RFX2: variants seen among roughly 807,000 people sequenced by gnomAD.
RFX2 encodes DNA-binding protein RFX2.
RFX2 carries 20 observed loss-of-function variants against 87.8 expected under a neutral mutation model. The observed-to-expected ratio is 0.23, with a 90% confidence interval of 0.16 to 0.33. RFX2 has a LOEUF of 0.33. RFX2 is among the 10% of genes least tolerant of loss of function. The pLI, the probability that RFX2 is intolerant of heterozygous loss-of-function variation, is 1.00. For missense variants in RFX2, 767 were observed against 1,012.3 expected (o/e 0.76, Z 3.29); for synonymous variants, 397 against 431.3 (o/e 0.92, Z 0.98).
In RFX2 at chr19:6,040,001, G is replaced by A. The variant is rs755920535; in HGVS notation, c.501C>T (p.Thr167=). 3.8e-6 allele frequency: 6 copies of A among 1,593,648 alleles called. No homozygotes were observed. Among genetic ancestry groups the A allele is most frequent in the Non-Finnish European group, 5.1e-6 (6 of 1,168,314 alleles). The part of the protein sequence containing the change: ...MDSTRHSLAH[T]SRSSPATLEM... ...ATACCGTGGCGGGCGATGAGCGGGA[G>A]GTGTGGGCCAGGGAGTGTCTGGTGC... The change falls in exon 5 of 18, where the codon ACC becomes ACT. Residue 167 remains threonine (T), a synonymous_variant. Coordinates refer to ENST00000303657, the MANE Select transcript of RFX2 (RefSeq NM_000635.4). The surrounding 1 kb of genome is among the most constrained non-coding windows in gnomAD (Gnocchi z 6.1).
At position 6,016,533 on chromosome 19, in the gene RFX2, G is replaced by A. The variant is rs2086728011; in HGVS notation, c.598-262C>T. On this transcript the variant is annotated intron_variant, in intron 6 of 17. Coordinates refer to ENST00000303657, the MANE Select transcript of RFX2 (RefSeq NM_000635.4). This position sits in a 1 kb window ranked among gnomAD's most constrained non-coding sequence, Gnocchi z 5.4. ...AGCCTCCCAGGTAGCTGGGATTACA[G>A]GTGTCCGACACCACATCTGGCTAGT... is the stretch of plus-strand genomic sequence containing the variant. 6.6e-6 allele frequency among the ~76,000 whole-genome samples: 1 copy of A among 152,164 alleles called. No homozygotes were observed. The highest frequency in any genetic ancestry group is 2.4e-5 in the African/African-American group (1 of 41,442).
chr19:6,002,079 C>G lies in RFX2; in HGVS notation c.1651-56G>C, dbSNP rs554227974. The stretch of plus-strand genomic sequence containing the variant: ...ATGTGGACCCCCAGCCACGGCAGCC[C>G]TCCCTGGACCTAGCCATGCTCAGGG... On this transcript the variant is annotated intron_variant, in intron 14 of 17. Coordinates refer to ENST00000303657, the MANE Select transcript of RFX2 (RefSeq NM_000635.4). This position sits in a 1 kb window ranked among gnomAD's most constrained non-coding sequence, Gnocchi z 6.7. 34 of 1,454,128 alleles carry G rather than the reference C, an allele frequency of 2.3e-5. No homozygotes were observed. The African/African-American group carries it at 4.5e-4, about 19-fold the overall frequency. 90.1% of individuals were successfully genotyped at this position (1,454,128 alleles called of 1,614,324 possible).
intron 1 of RFX2, among the ~76,000 whole-genome samples, chr19:6,070,962 C>T (rs1248340387): frequency 6.6e-6 from 1 of 152,240 alleles, no homozygotes; most frequent in Non-Finnish European, 1.5e-5. Flanking sequence ...AAGCAGTCTT[C>T]CCACCTCAGC....
At position 5,997,333 on chromosome 19, in the gene RFX2, G is replaced by C; in HGVS notation, c.1860-120C>G. ...ACGTTCCCTGGGGAACCCAGAGGCT[G>C]AGTGATCCTAAGACGTGCAGGCCTA... On this transcript the variant is annotated intron_variant, in intron 15 of 17. Coordinates refer to ENST00000303657, the MANE Select transcript of RFX2 (RefSeq NM_000635.4). This position sits in a 1 kb window ranked among gnomAD's most constrained non-coding sequence, Gnocchi z 4.2. The C allele has an allele frequency of 8.4e-7, 1 of 1,192,064 alleles. No individual in the cohort carries two copies. Among genetic ancestry groups the C allele is most frequent in the Non-Finnish European group, 1.1e-6 (1 of 876,068 alleles). The allele number at this position is 1,192,064 out of a possible 1,614,324, so 73.8% of individuals were successfully genotyped here.
chr19:6,007,837 C>G lies in RFX2; in HGVS notation c.1135-35G>C. The G allele has an allele frequency of 1.4e-6, 2 of 1,392,376 alleles. No individual in the cohort carries two copies. The highest frequency in any genetic ancestry group is 2.0e-6 in the Non-Finnish European group (2 of 1,001,792). 86.3% of individuals were successfully genotyped at this position (1,392,376 alleles called of 1,614,324 possible). A position where few individuals can be genotyped will look rare whatever the true frequency, so the allele number is the denominator to read the frequency against. On this transcript the variant is annotated intron_variant, in intron 10 of 17. Coordinates refer to ENST00000303657, the MANE Select transcript of RFX2 (RefSeq NM_000635.4). This position sits in a 1 kb window ranked among gnomAD's most constrained non-coding sequence, Gnocchi z 8.2. ...AAGGGACCGGTGAGACAGACGGGTGCGTGCGCCCATCACGTGCACTCAGCA... is the reference window on the plus strand; with the variant it reads ...AAGGGACCGGTGAGACAGACGGGTGGGTGCGCCCATCACGTGCACTCAGCA...
Position 6,083,383 on chromosome 19 carries a change from T to C in RFX2, c.-9+27010A>G, listed in dbSNP as rs1363432881. ...GGTGCTGGTGCTGTTCCAATAAATC[T>C]TTATTTATGGACACTGAAATTTAAT... On this transcript the variant is annotated intron_variant, in intron 1 of 17. Transcript: ENST00000303657. The surrounding 1 kb of genome is among the most constrained non-coding windows in gnomAD (Gnocchi z 4.6). 6.6e-6 allele frequency among the ~76,000 whole-genome samples: 1 copy of C among 152,190 alleles called. No homozygotes were observed. The highest frequency in any genetic ancestry group is 1.5e-5 in the Non-Finnish European group (1 of 68,040).
rs754264331 is a variant in RFX2 at position 6,013,995 on chromosome 19, C to A, written c.780-890G>T. Among the ~76,000 whole-genome samples the A allele has an allele frequency of 2.0e-5, 3 of 152,084 alleles. No individual in the cohort carries two copies. Among genetic ancestry groups the A allele is most frequent in the Non-Finnish European group, 4.4e-5 (3 of 68,030 alleles). The stretch of plus-strand genomic sequence containing the variant: ...CACCCCCTTCAATCATCTAGTAACA[C>A]GTTTTGGAATAAGGCACTGTTTGGG... On this transcript the variant is annotated intron_variant, in intron 7 of 17. Coordinates refer to ENST00000303657, the MANE Select transcript of RFX2 (RefSeq NM_000635.4). This position sits in a 1 kb window ranked among gnomAD's most constrained non-coding sequence, Gnocchi z 4.1.
Position 6,001,920 on chromosome 19 carries a change from G to A in RFX2, c.1754C>T (p.Ala585Val), listed in dbSNP as rs762714471. Residue 585 changes from alanine to valine, a missense_variant, in exon 15 of 18, where the codon GCC becomes GTC. This residue lies in a region of RFX2 where 621 missense variants were observed against 873.0 expected (regional missense o/e 0.71). Transcript: ENST00000303657. The surrounding 1 kb of genome is among the most constrained non-coding windows in gnomAD (Gnocchi z 5.6). Reference sequence around the variant, plus strand: ...GGTGACCACACTGTCCAGCCAGCTGGCCCACTGGTCCAGGGAGCTCTGCTG... The same window carrying A: ...GGTGACCACACTGTCCAGCCAGCTGACCCACTGGTCCAGGGAGCTCTGCTG... Reference protein sequence around the residue: ...LQQQSSLDQWASWLDSVVTQV... With the variant: ...LQQQSSLDQWVSWLDSVVTQV... 1.2e-6 allele frequency: 2 copies of A among 1,612,784 alleles called. No individual in the cohort carries two copies. Among genetic ancestry groups the A allele is most frequent in the Non-Finnish European group, 1.7e-6 (2 of 1,179,906 alleles).
At position 6,002,887 on chromosome 19, in the gene RFX2, G is replaced by C. The variant is rs749751214; in HGVS notation, c.1501-17C>G. ...GACGCCCACCTGTAAGCCAGGGCTC[G>C]TGGTGAGCAGGGGTTCGCAGGGAGA... On this transcript the variant is annotated splice_polypyrimidine_tract_variant and intron_variant, in intron 13 of 17. Coordinates refer to ENST00000303657, the MANE Select transcript of RFX2 (RefSeq NM_000635.4). The surrounding 1 kb of genome is among the most constrained non-coding windows in gnomAD (Gnocchi z 6.7). The C allele has an allele frequency of 1.3e-6, 2 of 1,596,166 alleles. No individual in the cohort carries two copies. Among genetic ancestry groups the C allele is most frequent in the Non-Finnish European group, 1.7e-6 (2 of 1,174,600 alleles).
intron 5 of RFX2, among the ~76,000 whole-genome samples, chr19:6,030,343 C>T (rs941863613): frequency 5.9e-5 from 9 of 152,054 alleles, no homozygotes; most frequent in African/African-American, 9.7e-5. Flanking sequence ...GGCAGTGAAA[C>T]GACTTAATCA....
At position 6,002,945 on chromosome 19, in the gene RFX2, T is replaced by C; in HGVS notation, c.1501-75A>G. 1 of 1,502,112 alleles carries C rather than the reference T, an allele frequency of 6.7e-7. No individual in the cohort carries two copies. Among genetic ancestry groups the C allele is most frequent in the Admixed American group, 2.0e-5 (1 of 50,080 alleles). 93.0% of individuals were successfully genotyped at this position (1,502,112 alleles called of 1,614,324 possible). A position where few individuals can be genotyped will look rare whatever the true frequency, so the allele number is the denominator to read the frequency against. On this transcript the variant is annotated intron_variant, in intron 13 of 17. Transcript: ENST00000303657. This position sits in a 1 kb window ranked among gnomAD's most constrained non-coding sequence, Gnocchi z 6.7. ...CCGCTGCGCTCCTTGCAGGGGTGTG[T>C]GGGCTCAGGGACAACACAGGGAGGA...
intron 1 of RFX2, among the ~76,000 whole-genome samples, chr19:6,088,156 G>T (rs1043281398): frequency 1.3e-5 from 2 of 151,264 alleles, no homozygotes; most frequent in Non-Finnish European, 2.9e-5. Flanking sequence ...ACCCAGGCTG[G>T]CCAGGGCCTG....
rs1338610888 is a variant in RFX2, at chr19:6,023,858, C to A, written c.597+2305G>T. ...GCAGTGGCGCAATCTCAGCTCACTG[C>A]AACCTCCGTCTCCCAGGTTCAAGCG... On this transcript the variant is annotated intron_variant, in intron 6 of 17. Coordinates refer to ENST00000303657, the MANE Select transcript of RFX2 (RefSeq NM_000635.4). This position sits in a 1 kb window ranked among gnomAD's most constrained non-coding sequence, Gnocchi z 4.9. 6.6e-6 allele frequency among the ~76,000 whole-genome samples: 1 copy of A among 152,010 alleles called. No individual in the cohort carries two copies. The highest frequency in any genetic ancestry group is 1.5e-5 in the Non-Finnish European group (1 of 67,988).
Position 6,057,737 on chromosome 19 carries a change from A to G in RFX2, c.-8-10233T>C, listed in dbSNP as rs538318980. 3.9e-5 allele frequency among the ~76,000 whole-genome samples: 6 copies of G among 152,248 alleles called. No homozygotes were observed. The East Asian group carries it at 1.2e-3, about 29-fold the overall frequency. On this transcript the variant is annotated intron_variant, in intron 1 of 17. Transcript: ENST00000303657. Reference sequence around the variant, plus strand: ...GCAATTAATTTCCTCCCTCTGAACAAGAAGGAACAAGCCCGGAGTGCTCTC... The same window carrying G: ...GCAATTAATTTCCTCCCTCTGAACAGGAAGGAACAAGCCCGGAGTGCTCTC...
intron 1 of RFX2, among the ~76,000 whole-genome samples, chr19:6,094,588 GCTTTGA>G (rs1007707831): frequency 8.5e-5 from 13 of 152,196 alleles, no homozygotes; most frequent in Middle Eastern, 3.2e-3. Context: ...ACTTGTGCCT[GCTTTGA>G]CTTTAACACC....
In RFX2 at chr19:6,083,467, G is replaced by A. The variant is rs572486762; in HGVS notation, c.-9+26926C>T. Among the ~76,000 whole-genome samples, 2 of 150,112 alleles carry A rather than the reference G, an allele frequency of 1.3e-5. No individual in the cohort carries two copies. The highest frequency in any genetic ancestry group is 2.1e-4 in the South Asian group (1 of 4,764). ...GTCTTGTTTCCAATCATTTAAAAAC[G>A]CAAAAAATATTCTCAACTCGTGGAA... On this transcript the variant is annotated intron_variant, in intron 1 of 17. Transcript: ENST00000303657. This position sits in a 1 kb window ranked among gnomAD's most constrained non-coding sequence, Gnocchi z 4.6.
At chr19:6,075,654 G>A (rs187189257) in intron 1 of RFX2, among the ~76,000 whole-genome samples, 9 of 152,296 alleles carry the variant, frequency 5.9e-5, no homozygotes, top group Middle Eastern at 3.4e-3. Flanking sequence ...GGGGAAGCCC[G>A]TGGTCTGGGG....
intron 1 of RFX2, among the ~76,000 whole-genome samples, chr19:6,079,313 C>T (rs1383716346): frequency 2.0e-5 from 3 of 152,176 alleles, no homozygotes; most frequent in Non-Finnish European, 2.9e-5. Flanking sequence ...GACAAACAAA[C>T]TGTGGTAGGA....
intron 1 of RFX2, among the ~76,000 whole-genome samples, chr19:6,109,614 C>G (rs761258343): frequency 6.6e-6 from 1 of 151,894 alleles, no homozygotes; most frequent in Non-Finnish European, 1.5e-5. Flanking sequence ...TCTTCGAGGT[C>G]CCCCCGATGC....
Sources: allele counts gnomAD v4.1 joint callset (sites outside exome capture counted in the v4.1 genomes callset), GRCh38; gene constraint gnomAD v4.1.1; regional missense constraint gnomAD v4.1.1; non-coding constraint Gnocchi (gnomAD v3.1); transcripts MANE v1.5; gene names NCBI Gene and HGNC (gene_info 2026-07-23, HGNC 2026-07-21).